Variants in RIOK1 observed in about 807,000 individuals in gnomAD.
The protein encoded by RIOK1 is RIO kinase 1, also known as serine/threonine-protein kinase RIO1.
RIOK1 carries 66 observed loss-of-function variants against 73.5 expected under a neutral mutation model. That is an observed-to-expected ratio of 0.90 (90% CI 0.74 to 1.10). RIOK1 has a LOEUF of 1.10. Among genes scored for constraint, RIOK1 ranks in the 50% least tolerant of loss-of-function variants. The pLI is 0.00. For missense variants in RIOK1, 658 were observed against 699.8 expected (o/e 0.94, Z 0.67); for synonymous variants, 224 against 226.8 (o/e 0.99, Z 0.11).
At chr6:7,393,859 T>C (rs1345920788) in intron 2 of RIOK1, among the ~76,000 whole-genome samples, 1 of 152,190 alleles carries the variant, frequency 6.6e-6, no homozygotes. Flanking sequence ...TAGAGGAACA[T>C]TGGAAGCAAC....
At chr6:7,414,993 G>C (rs976779667) in intron 16 of RIOK1, among the ~76,000 whole-genome samples, 1 of 152,148 alleles carries the variant, frequency 6.6e-6, no homozygotes, top group Non-Finnish European at 1.5e-5. Flanking sequence ...AGCCTTCTTG[G>C]CTATCAGTTC....
intron 14 of RIOK1, among the ~76,000 whole-genome samples, chr6:7,412,511 T>C (rs1761911666): frequency 6.6e-6 from 1 of 151,928 alleles, no homozygotes; most frequent in African/African-American, 2.4e-5. Flanking sequence ...AAAAATTAGC[T>C]GGGCATCGTG....
Position 7,389,842 on chromosome 6 carries a change from G to C in RIOK1, c.-161G>C. The C allele has an allele frequency of 1.6e-6, 1 of 619,512 alleles. No homozygotes were observed. Among genetic ancestry groups the C allele is most frequent in the Non-Finnish European group, 2.9e-6 (1 of 344,638 alleles). 38.4% of individuals were successfully genotyped at this position (619,512 alleles called of 1,614,324 possible). On this transcript the variant is annotated 5_prime_UTR_variant, in exon 1 of 17. Transcript: ENST00000379834. Reference sequence around the variant, plus strand: ...GTTGGGGTGGCAGGGTGGTGGATCTGTCGGTCCCGTTTTCCCGTCGCACGT... The same window carrying C: ...GTTGGGGTGGCAGGGTGGTGGATCTCTCGGTCCCGTTTTCCCGTCGCACGT...
Position 7,393,240 on chromosome 6 carries a change from C to T in RIOK1, c.213C>T (p.Asp71=). ...EGYDDDDDDW[D]WDEGVGKLAK... The stretch of plus-strand genomic sequence containing the variant: ...ATGACGATGATGATGATGACTGGGA[C>T]TGGGATGAAGGAGTTGGAAAACTCG... Residue 71 remains aspartate, a synonymous_variant, in exon 2 of 17, where the codon GAC becomes GAT. Coordinates refer to ENST00000379834, the MANE Select transcript of RIOK1 (RefSeq NM_031480.3). The T allele has an allele frequency of 6.2e-7, 1 of 1,613,762 alleles. No individual in the cohort carries two copies. The highest frequency in any genetic ancestry group is 8.5e-7 in the Non-Finnish European group (1 of 1,179,842).
chr6:7,398,130 A>G (rs1219728456), intron 4 of RIOK1, among the ~76,000 whole-genome samples: 2 of 152,206 alleles, frequency 1.3e-5, no homozygotes, highest in Non-Finnish European at 2.9e-5. Flanking sequence ...CGACAGAGCG[A>G]GACTCCATCT....
chr6:7,390,035 G>C lies in RIOK1; in HGVS notation c.33G>C (p.Val11=). 6.4e-7 allele frequency: 1 copy of C among 1,558,018 alleles called. No individual in the cohort carries two copies. Among genetic ancestry groups the C allele is most frequent in the Non-Finnish European group, 8.7e-7 (1 of 1,151,014 alleles). The change falls in exon 1 of 17, where the codon GTG becomes GTC. Residue 11 remains valine (V), a synonymous_variant. Transcript: ENST00000379834. ...ACCGGCGGCTTCTCATGAGCCGGGT[G>C]GTCCCCGGGCAATTCGACGACGCGG... The part of the protein sequence containing the change: MDYRRLLMSR[V]VPGQFDDADS...
intron 16 of RIOK1, 64 bp downstream of exon 16, chr6:7,414,454 TG>T: frequency 2.8e-6 from 4 of 1,414,726 alleles, no homozygotes; most frequent in Non-Finnish European, 3.8e-6. Flanking sequence ...TATTTCTCTT[TG>T]CTCAAGGATC....
chr6:7,405,907 C>G (rs1176393228), intron 12 of RIOK1, among the ~76,000 whole-genome samples: 4 of 150,472 alleles, frequency 2.7e-5, no homozygotes, highest in Non-Finnish European at 4.4e-5. Context: ...AGAAAACTGT[C>G]AGTTTTTTGG....
intron 1 of RIOK1, among the ~76,000 whole-genome samples, chr6:7,391,832 C>G (rs1312827762): frequency 6.6e-6 from 1 of 152,212 alleles, no homozygotes; most frequent in East Asian, 1.9e-4. Flanking sequence ...ACATGCCACT[C>G]TAGGCAATTA....
At chr6:7,395,491 C>T (rs932290714) in intron 3 of RIOK1, among the ~76,000 whole-genome samples, 1 of 80,004 alleles carries the variant, frequency 1.2e-5, no homozygotes. Flanking sequence ...CCAACCTGGA[C>T]AATAAGGGCA....
intron 12 of RIOK1, among the ~76,000 whole-genome samples, chr6:7,406,213 T>C (rs376424124): frequency 1.6e-3 from 236 of 152,206 alleles, no homozygotes; most frequent in Middle Eastern, 0.014. Flanking sequence ...CCCAGGCTAG[T>C]CTTGAAATCT....
At chr6:7,404,619 C>CA in intron 10 of RIOK1, 64 bp downstream of exon 10, 13 of 1,560,728 alleles carry the variant, frequency 8.3e-6, no homozygotes, top group Non-Finnish European at 1.1e-5. Flanking sequence ...AAATGATAAA[C>CA]AAAATCCCAA....
rs1761951399 is a variant in RIOK1, at chr6:7,414,364, AC to A, written c.1572del (p.Thr525ArgfsTer30). The stretch of plus-strand genomic sequence containing the variant: ...AGACCATGCCCGCCCCAAGAAACAC[AC>A]CACGGACCCTGACATTGATAAAAAA... ...QGDHARPKKH[T>X]TDPDIDKKER... On this transcript the variant is annotated frameshift_variant, in exon 16 of 17. Transcript: ENST00000379834. LOFTEE classifies it high-confidence loss of function. 2 of 1,609,440 alleles carry A rather than the reference AC, an allele frequency of 1.2e-6. No homozygotes were observed. The highest frequency in any genetic ancestry group is 1.7e-6 in the Non-Finnish European group (2 of 1,178,884).
At position 7,413,803 on chromosome 6, in the gene RIOK1, C is replaced by T. The variant is rs4461779; in HGVS notation, c.1444-435C>T. ...ATTTCAGGAAGTAATGAAAATTTCT[C>T]TTCTTCACATATTGTTTTCCCTCCC... On this transcript the variant is annotated intron_variant, in intron 15 of 16. Coordinates refer to ENST00000379834, the MANE Select transcript of RIOK1 (RefSeq NM_031480.3). Among the ~76,000 whole-genome samples the T allele has an allele frequency of 2.0e-5, 3 of 152,340 alleles. No individual in the cohort carries two copies. The South Asian group carries it at 6.2e-4, about 32-fold the overall frequency.
At chr6:7,414,001 G>A (rs761970524) in intron 15 of RIOK1, among the ~76,000 whole-genome samples, 5 of 152,146 alleles carry the variant, frequency 3.3e-5, no homozygotes, top group Admixed American at 6.6e-5. Context: ...TCTAGGTCAC[G>A]CAGTAAAGCC....
At chr6:7,402,571 CTTCATT>C (rs1761637243) in intron 6 of RIOK1, 26 bp from the exon 7 acceptor site, 1 of 1,512,988 alleles carries the variant, frequency 6.6e-7, no homozygotes, top group Non-Finnish European at 8.9e-7. Context: ...TTAACATAAA[CTTCATT>C]TTCTTTTTTT....
In RIOK1 at chr6:7,411,399, T is replaced by G. The variant is rs778597624; in HGVS notation, c.1337T>G (p.Ile446Arg). The G allele has an allele frequency of 6.2e-7, 1 of 1,613,852 alleles. No individual in the cohort carries two copies. Among genetic ancestry groups the G allele is most frequent in the African/African-American group, 1.3e-5 (1 of 74,922 alleles). The change falls in exon 14 of 17, where the codon ATA becomes AGA. Residue 446 changes from isoleucine to arginine, a missense_variant. Transcript: ENST00000379834. ...AAAAATTATGAGAGGGATATGGACA[T>G]AATTATGAAATTGAAGGAAGAGGAC... ...EVKNYERDMD[I>R]IMKLKEEDMA...
Position 7,393,200 on chromosome 6 carries a change from A to T in RIOK1, c.173A>T (p.Glu58Val). The T allele has an allele frequency of 1.2e-6, 2 of 1,608,660 alleles. No homozygotes were observed. The highest frequency in any genetic ancestry group is 1.7e-6 in the Non-Finnish European group (2 of 1,175,018). The change falls in exon 2 of 17, where the codon GAG (glutamate) becomes GTG (valine). Residue 58 changes from glutamate to valine, a missense_variant. By Grantham distance (121) the Glu-to-Val change is moderately radical. Coordinates refer to ENST00000379834, the MANE Select transcript of RIOK1 (RefSeq NM_031480.3). The stretch of plus-strand genomic sequence containing the variant: ...AATGGTGAAGGTGAAATAGAAGATG[A>T]GGAGGAGGAGGGTTATGACGATGAT... ...NENGEGEIED[E>V]EEEGYDDDDD...
In RIOK1 at chr6:7,402,675, G is replaced by A. The variant is rs964551643; in HGVS notation, c.646G>A (p.Val216Met). ...AIKIYKTSIL[V>M]FKDRDKYVSG... ...CAAAATTTATAAAACTTCTATTTTG[G>A]TGTTCAAAGATCGGGATAAATATGT... Residue 216 changes from valine to methionine, a missense_variant, in exon 7 of 17, where the codon GTG becomes ATG. Transcript: ENST00000379834. 1.9e-6 allele frequency: 3 copies of A among 1,612,404 alleles called. No individual in the cohort carries two copies. The highest frequency in any genetic ancestry group is 2.5e-6 in the Non-Finnish European group (3 of 1,178,846).
Sources: gnomAD v4.1 joint callset for allele counts (sites outside exome capture counted in the v4.1 genomes callset) on GRCh38, gnomAD v4.1.1 for gene constraint, MANE v1.5 for transcripts, NCBI Gene and HGNC (gene_info 2026-07-23, HGNC 2026-07-21) for gene names.